Variants in NLGN1 observed in about 807,000 individuals in gnomAD.
NLGN1 encodes neuroligin 1, also known as neuroligin-1.
NLGN1 carries 12 observed loss-of-function variants against 65.5 expected under a neutral mutation model. That is an observed-to-expected ratio of 0.18 (90% CI 0.12 to 0.30). NLGN1 has a LOEUF of 0.30. Among genes scored for constraint, NLGN1 ranks in the 10% least tolerant of loss-of-function variants. NLGN1 has a pLI of 1.00. For synonymous variants in NLGN1, 350 were observed against 359.5 expected (o/e 0.97, Z 0.30); for missense variants, 750 against 1,007.1 (o/e 0.74, Z 3.46).
chr3:173,465,623 A>G (rs566708931), intron 2 of NLGN1, among the ~76,000 whole-genome samples: 4 of 152,374 alleles, frequency 2.6e-5, no homozygotes, highest in Admixed American at 1.3e-4. Flanking sequence ...TGAATGTTTT[A>G]GATTAGAGGT....
chr3:173,676,499 A>G (rs1415579946), intron 3 of NLGN1, among the ~76,000 whole-genome samples: 1 of 152,178 alleles, frequency 6.6e-6, no homozygotes, highest in African/African-American at 2.4e-5. Context: ...TTCAGATAAT[A>G]TAAAGTTTTT....
chr3:173,973,197 G>T (rs1325323321), intron 4 of NLGN1, among the ~76,000 whole-genome samples: 1 of 152,174 alleles, frequency 6.6e-6, no homozygotes, highest in East Asian at 1.9e-4. Flanking sequence ...TAACAAATGT[G>T]TATTATCATT....
At chr3:174,273,451 A>G (rs904658120) in intron 4 of NLGN1, among the ~76,000 whole-genome samples, 10 of 151,698 alleles carry the variant, frequency 6.6e-5, no homozygotes, top group African/African-American at 2.2e-4. Context: ...GTTTAAACTA[A>G]TGACTCTGTC....
intron 4 of NLGN1, among the ~76,000 whole-genome samples, chr3:173,886,240 A>C (rs930535105): frequency 3.3e-5 from 5 of 152,102 alleles, no homozygotes; most frequent in African/African-American, 1.2e-4. Flanking sequence ...AACACTCATG[A>C]AAAAACAATG....
intron 2 of NLGN1, among the ~76,000 whole-genome samples, chr3:173,589,269 G>A (rs1019991281): frequency 9.9e-5 from 15 of 152,138 alleles, no homozygotes; most frequent in Non-Finnish European, 1.6e-4. Context: ...CATAATATTA[G>A]TTCACTTGTG....
At chr3:173,482,488 G>C (rs1450601919) in intron 2 of NLGN1, among the ~76,000 whole-genome samples, 4 of 151,800 alleles carry the variant, frequency 2.6e-5, no homozygotes, top group Non-Finnish European at 5.9e-5. Flanking sequence ...TTCCTGGATA[G>C]ATTTTCCTGC....
chr3:174,213,866 T>A (rs890664704), intron 4 of NLGN1, among the ~76,000 whole-genome samples: 2 of 152,222 alleles, frequency 1.3e-5, no homozygotes, highest in Non-Finnish European at 2.9e-5. Flanking sequence ...ATAGCATTTG[T>A]CTTCCTTGGA....
intron 2 of NLGN1, among the ~76,000 whole-genome samples, chr3:173,443,948 A>C (rs757663643): frequency 6.6e-5 from 10 of 152,210 alleles, no homozygotes; most frequent in Admixed American, 6.5e-5. Context: ...CTTGGATAAT[A>C]ACCAACATAA....
chr3:173,950,637 A>G (rs1034098845), intron 4 of NLGN1, among the ~76,000 whole-genome samples: 3 of 151,910 alleles, frequency 2.0e-5, no homozygotes, highest in African/African-American at 7.3e-5. Flanking sequence ...ATGTGGCGAA[A>G]CCCTGTCTCT....
intron 4 of NLGN1, among the ~76,000 whole-genome samples, chr3:174,002,755 A>C (rs1411338066): frequency 6.6e-6 from 1 of 152,180 alleles, no homozygotes; most frequent in Non-Finnish European, 1.5e-5. Context: ...GGGGGAAAAA[A>C]AAATGGAGGG....
intron 4 of NLGN1, among the ~76,000 whole-genome samples, chr3:173,872,651 T>G (rs781433493): frequency 6.6e-6 from 1 of 152,170 alleles, no homozygotes; most frequent in African/African-American, 2.4e-5. Context: ...TAAAGTAAGT[T>G]AAAGTTTCTT....
At chr3:173,724,079 A>G (rs1444910538) in intron 3 of NLGN1, among the ~76,000 whole-genome samples, 2 of 152,188 alleles carry the variant, frequency 1.3e-5, no homozygotes, top group Non-Finnish European at 2.9e-5. Flanking sequence ...GCTATTGGAC[A>G]TGATACATGT....
At chr3:173,897,381 G>T (rs1339654400) in intron 4 of NLGN1, among the ~76,000 whole-genome samples, 1 of 152,164 alleles carries the variant, frequency 6.6e-6, no homozygotes, top group Non-Finnish European at 1.5e-5. Context: ...AGAGGACATT[G>T]ACATATTGCT....
chr3:173,453,150 G>A (rs903616852), intron 2 of NLGN1, among the ~76,000 whole-genome samples: 2 of 151,400 alleles, frequency 1.3e-5, no homozygotes, highest in African/African-American at 4.9e-5. Context: ...CATGGGCTGG[G>A]GTGCACTGGT....
At chr3:174,264,301 C>A (rs1372443152) in intron 4 of NLGN1, among the ~76,000 whole-genome samples, 1 of 149,958 alleles carries the variant, frequency 6.7e-6, no homozygotes, top group African/African-American at 2.5e-5. Context: ...TCCATTCTCC[C>A]CATCACTTTC....
intron 2 of NLGN1, among the ~76,000 whole-genome samples, chr3:173,505,490 A>G (rs1467075629): frequency 6.6e-6 from 1 of 152,110 alleles, no homozygotes; most frequent in Non-Finnish European, 1.5e-5. Context: ...TTAGAATTTA[A>G]TATCTGCCTC....
chr3:173,760,106 T>C (rs1777748784), intron 3 of NLGN1, among the ~76,000 whole-genome samples: 1 of 152,014 alleles, frequency 6.6e-6, no homozygotes, highest in Non-Finnish European at 1.5e-5. Context: ...GCTTTAAATT[T>C]TTGCATTCCT....
At chr3:173,506,699 C>T (rs554282507) in intron 2 of NLGN1, among the ~76,000 whole-genome samples, 1 of 152,082 alleles carries the variant, frequency 6.6e-6, no homozygotes, top group Non-Finnish European at 1.5e-5. Flanking sequence ...CTGGTTCCAT[C>T]AGAATTCTAT....
intron 4 of NLGN1, among the ~76,000 whole-genome samples, chr3:174,267,930 G>GCACA (rs150654577): frequency 1.3e-5 from 2 of 151,858 alleles, no homozygotes; most frequent in African/African-American, 4.8e-5. Flanking sequence ...ACATTACAAA[G>GCACA]CACACACACA....
Sources: gnomAD v4.1 joint callset for allele counts (sites outside exome capture counted in the v4.1 genomes callset) on GRCh38, gnomAD v4.1.1 for gene constraint, MANE v1.5 for transcripts, NCBI Gene and HGNC (gene_info 2026-07-23, HGNC 2026-07-21) for gene names.